Variants in RIF1 observed in about 807,000 individuals in gnomAD.
The protein encoded by RIF1 is replication timing regulatory factor 1, also known as telomere-associated protein RIF1.
Under a neutral mutation model 247.1 loss-of-function variants are expected in RIF1, and 45 were observed. The ratio of observed to expected loss-of-function variants is 0.18; its 90% confidence interval spans 0.14 to 0.23. RIF1 has a LOEUF of 0.23. Ranked by LOEUF, RIF1 falls within the 10% of genes least tolerant of loss-of-function variation. The pLI is 1.00. For missense variants in RIF1, 2,967 were observed against 2,862.5 expected (o/e 1.04, Z -0.83); for synonymous variants, 1,087 against 978.8 (o/e 1.11, Z -2.06).
chr2:151,421,511 T>C (rs767857549), intron 7 of RIF1, among the ~76,000 whole-genome samples: 40 of 152,290 alleles, frequency 2.6e-4, no homozygotes, highest in Non-Finnish European at 4.0e-4. Flanking sequence ...CATAGGACTA[T>C]GGCAGGGACC....
chr2:151,519,510 G>A, the RIF1 span: 1 of 660,270 alleles, frequency 1.5e-6, no homozygotes, highest in Non-Finnish European at 2.6e-6. Context: ...AATGGTTATA[G>A]TTTCTGTTGG....
In RIF1 at chr2:151,463,212, A is replaced by T; in HGVS notation, c.3692A>T (p.Glu1231Val). 1 of 1,614,158 alleles carries T rather than the reference A, an allele frequency of 6.2e-7. No individual in the cohort carries two copies. Among genetic ancestry groups the T allele is most frequent in the Non-Finnish European group, 8.5e-7 (1 of 1,179,996 alleles). Residue 1231 changes from glutamate (E) to valine (V), a missense_variant, in exon 30 of 36, where the codon GAA becomes GTA. By Grantham distance (121) the Glu-to-Val change is moderately radical (BLOSUM62 -2). Around this residue, in one of 7 missense-constraint regions of RIF1, gnomAD observed 2,028 missense variants for 1,825.6 expected, o/e 1.11. Coordinates refer to ENST00000444746, the MANE Select transcript of RIF1 (RefSeq NM_018151.5). ...ACTTTGGAGAAGTTTGATGGTTCAG[A>T]AAATAGACCTTTTAGTCCATCCCCC... ...FITLEKFDGS[E>V]NRPFSPSPLN...
intron 3 of RIF1, among the ~76,000 whole-genome samples, chr2:151,413,195 T>G (rs1686587645): frequency 6.7e-6 from 1 of 149,990 alleles, no homozygotes; most frequent in South Asian, 2.1e-4. Flanking sequence ...CCCAGCTACT[T>G]TTTTTTTTGT....
intron 9 of RIF1, chr2:151,491,883 C>T: frequency 9.7e-7 from 1 of 1,035,824 alleles, no homozygotes; most frequent in Non-Finnish European, 1.4e-6. Flanking sequence ...CACACTTATT[C>T]CAGCTTAGGT....
intron 21 of RIF1, among the ~76,000 whole-genome samples, chr2:151,454,634 A>C (rs1217639372): frequency 6.6e-6 from 1 of 152,206 alleles, no homozygotes; most frequent in East Asian, 1.9e-4. Flanking sequence ...CTAAGAAAAA[A>C]TGAACTTGTT....
intron 16 of RIF1, among the ~76,000 whole-genome samples, chr2:151,442,918 C>T (rs1452283931): frequency 1.3e-5 from 2 of 151,600 alleles, no homozygotes; most frequent in East Asian, 3.9e-4. Context: ...ACTACAGGCG[C>T]GTGCCACCCT....
chr2:151,426,702 G>T (rs1009930390), intron 8 of RIF1, among the ~76,000 whole-genome samples: 5 of 146,486 alleles, frequency 3.4e-5, no homozygotes, highest in Admixed American at 1.4e-4. Context: ...TCGCTCTGTT[G>T]TCCTGGCTAT....
rs201010599 is a variant in RIF1 at position 151,445,398 on chromosome 2, T to C, written c.2047T>C (p.Leu683=). Residue 683 remains leucine (L), a synonymous_variant, in exon 19 of 36, where the codon TTG becomes CTG. Transcript: ENST00000444746. ...EHNFSAIYGA[L]TLPVNHIFSE... ...TAATTTTAGTGCCATCTATGGTGCA[T>C]TGACTTTACCAGTAAACCACATTTT... The C allele has an allele frequency of 4.3e-4, 696 of 1,610,084 alleles. 1 individual carries two copies. Among genetic ancestry groups the C allele is most frequent in the Middle Eastern group, 6.6e-4 (4 of 6,060 alleles).
chr2:151,525,961 A>G, the RIF1 span: 1 of 1,612,852 alleles, frequency 6.2e-7, no homozygotes, highest in South Asian at 1.1e-5. Flanking sequence ...CACTTACATC[A>G]CTGACATGCT....
In RIF1 at chr2:151,463,311, A is replaced by C. The variant is rs1402812251; in HGVS notation, c.3791A>C (p.Lys1264Thr). The change falls in exon 30 of 36, where the codon AAA (lysine) becomes ACA (threonine). Residue 1264 changes from lysine to threonine, a missense_variant. Lys to Thr is a moderately conservative substitution (Grantham distance 78). This residue lies in a region of RIF1 where 2,028 missense variants were observed against 1,825.6 expected (regional missense o/e 1.11). Transcript: ENST00000444746. ...ETMIKTDFLP[K>T]AKQREGTFSK... ...ATGATTAAAACAGATTTTCTACCAA[A>C]AGCAAAGCAAAGAGAAGGGACTTTT... 6.2e-7 allele frequency: 1 copy of C among 1,613,276 alleles called. No homozygotes were observed. Among genetic ancestry groups the C allele is most frequent in the Non-Finnish European group, 8.5e-7 (1 of 1,179,818 alleles).
In RIF1 at chr2:151,443,302, T is replaced by C; in HGVS notation, c.1778T>C (p.Phe593Ser). ...LFLIQLIFNN[F>S]LECGVSDERF... ...TTAATTCAATTAATTTTCAACAATT[T>C]CTTGGAATGTGGTGTATCAGATGAA... Residue 593 changes from phenylalanine to serine, a missense_variant, in exon 17 of 36, where the codon TTC becomes TCC. Phe to Ser is a radical substitution (Grantham distance 155). Transcript: ENST00000444746. 6.2e-7 allele frequency: 1 copy of C among 1,602,592 alleles called. No homozygotes were observed. Among genetic ancestry groups the C allele is most frequent in the Non-Finnish European group, 8.5e-7 (1 of 1,170,582 alleles).
intron 12 of RIF1, chr2:151,505,390 G>T: frequency 8.7e-7 from 1 of 1,148,106 alleles, no homozygotes; most frequent in Non-Finnish European, 1.3e-6. Context: ...GGAAGCTCTT[G>T]ATAGGAAGCA....
the RIF1 span, among the ~76,000 whole-genome samples, chr2:151,520,910 G>A: frequency 2.6e-5 from 4 of 152,160 alleles, no homozygotes; most frequent in Admixed American, 1.3e-4. Context: ...CAACAGAATG[G>A]AAAGTGACAG....
chr2:151,509,964 G>T (rs1461054585), downstream of RIF1, among the ~76,000 whole-genome samples: 2 of 152,146 alleles, frequency 1.3e-5, no homozygotes, highest in African/African-American at 2.4e-5. Flanking sequence ...TTATCACCAG[G>T]CCAACTCAAA....
exon 11 of RIF1, chr2:151,499,428 C>A: frequency 8.9e-7 from 1 of 1,126,518 alleles, no homozygotes; most frequent in Non-Finnish European, 1.3e-6. Context: ...AAAACAAGAG[C>A]AGTCAAAACA....
rs747653325 is a variant in RIF1, at chr2:151,465,765, C to A, written c.6245C>A (p.Ala2082Asp). 6.2e-7 allele frequency: 1 copy of A among 1,613,416 alleles called. No homozygotes were observed. The highest frequency in any genetic ancestry group is 8.5e-7 in the Non-Finnish European group (1 of 1,179,488). ...AGCACTGAAGAAGGAATCATTGACG[C>A]TAATAAAACTGAAACAAATACTGAG... is the stretch of plus-strand genomic sequence containing the variant. The part of the protein sequence containing the change: ...EMSTEEGIID[A>D]NKTETNTEYS... The change falls in exon 30 of 36, where the codon GCT (alanine) becomes GAT (aspartate). Residue 2082 changes from alanine to aspartate, a missense_variant. By Grantham distance (126) the Ala-to-Asp change is moderately radical. Transcript: ENST00000444746.
At position 151,443,250 on chromosome 2, in the gene RIF1, C is replaced by T. The variant is rs111990681; in HGVS notation, c.1735-9C>T. 30,038 of 1,531,744 alleles carry T rather than the reference C, an allele frequency of 0.02. 369 individuals carry two copies. Among genetic ancestry groups the T allele is most frequent in the Non-Finnish European group, 0.024 (26,227 of 1,112,038 alleles). The allele number at this position is 1,531,744 out of a possible 1,614,324, so 94.9% of individuals were successfully genotyped here. ...TAACTGAGAAGATTGACTTCATTTT[C>T]TCCTTCAGGGAACTCCAGCTTTGTT... On this transcript the variant is annotated splice_polypyrimidine_tract_variant and intron_variant, in intron 16 of 35. Transcript: ENST00000444746.
rs139841854 is a variant in RIF1, at chr2:151,465,722, T to G, written c.6202T>G (p.Cys2068Gly). Residue 2068 changes from cysteine (C) to glycine (G), a missense_variant, in exon 30 of 36, where the codon TGT becomes GGT. Around this residue, in one of 7 missense-constraint regions of RIF1, gnomAD observed 2,028 missense variants for 1,825.6 expected, o/e 1.11. Coordinates refer to ENST00000444746, the MANE Select transcript of RIF1 (RefSeq NM_018151.5). ...GACTGCAGAAATGGACAACTTTGTTTGTGACACAGTTGAAATGAGCACTGA... is the reference window on the plus strand; with the variant it reads ...GACTGCAGAAATGGACAACTTTGTTGGTGACACAGTTGAAATGAGCACTGA... ...MLTAEMDNFV[C>G]DTVEMSTEEG... 86 of 1,614,094 alleles carry G rather than the reference T, an allele frequency of 5.3e-5. No individual in the cohort carries two copies. The highest frequency in any genetic ancestry group is 1.6e-4 in the Middle Eastern group (1 of 6,084).
chr2:151,437,128 C>CTTT lies in RIF1; in HGVS notation c.1373-107_1373-105dup, dbSNP rs367747101. On this transcript the variant is annotated intron_variant, in intron 12 of 35. Transcript: ENST00000444746. Reference sequence around the variant, plus strand: ...TTACAGTTGTGTATGAAATATGAATCTTTTTTTTATAGAAAACACACCTAC... The same window carrying CTTT: ...TTACAGTTGTGTATGAAATATGAATCTTTTTTTTTTTATAGAAAACACACCTAC... 4 of 1,214,008 alleles carry CTTT rather than the reference C, an allele frequency of 3.3e-6. No individual in the cohort carries two copies. In the East Asian group the frequency reaches 7.5e-5, roughly 23 times the overall value. The allele number at this position is 1,214,008 out of a possible 1,614,324, so 75.2% of individuals were successfully genotyped here.
Sources: gnomAD v4.1 joint callset for allele counts (sites outside exome capture counted in the v4.1 genomes callset) on GRCh38, gnomAD v4.1.1 for gene constraint, gnomAD v4.1.1 regional missense constraint, MANE v1.5 for transcripts, NCBI Gene and HGNC (gene_info 2026-07-23, HGNC 2026-07-21) for gene names.